The following MTO1 variants were observed in gnomAD, a reference collection of about 807,000 sequenced individuals.
MTO1 encodes mitochondrial tRNA translation optimization 1, also known as 5-taurinomethyluridine-[tRNA] synthase subunit MTO1, mitochondrial.
Under a neutral mutation model 71.6 loss-of-function variants are expected in MTO1, and 46 were observed. The observed-to-expected ratio is 0.64, with a 90% CI of 0.51 to 0.82. The LOEUF is 0.82. Ranked by LOEUF, MTO1 falls within the 40% of genes least tolerant of loss-of-function variation. The pLI, the probability that MTO1 is intolerant of heterozygous loss-of-function variation, is 0.00. For missense variants in MTO1, 773 were observed against 867.5 expected (o/e 0.89, Z 1.37); for synonymous variants, 297 against 312.1 (o/e 0.95, Z 0.51).
chr6:73,479,807 C>G lies in MTO1; in HGVS notation c.901C>G (p.Leu301Val), dbSNP rs762434502. ...TGAGATTGTCCTTAAGAACCTTCAC[C>G]TTAATAGTCATGTTAAAGAAACGAC... ...VDEIVLKNLH[L>V]NSHVKETTRG... The change falls in exon 5 of 12, where the codon CTT (leucine) becomes GTT (valine). Residue 301 changes from leucine to valine, a missense_variant. Transcript: ENST00000498286. 3 of 1,613,532 alleles carry G rather than the reference C, an allele frequency of 1.9e-6. No individual in the cohort carries two copies. The highest frequency in any genetic ancestry group is 2.5e-6 in the Non-Finnish European group (3 of 1,179,702).
intron 4 of MTO1, among the ~76,000 whole-genome samples, chr6:73,476,880 T>C (rs1370630598): frequency 6.6e-6 from 1 of 151,654 alleles, no homozygotes; most frequent in Non-Finnish European, 1.5e-5. Flanking sequence ...TCTCGCCTTC[T>C]GAGTTCAGTC....
intron 1 of MTO1, 77 bp from the exon 2 acceptor site, chr6:73,466,132 A>C (rs910476022): frequency 1.6e-6 from 2 of 1,238,086 alleles, no homozygotes; most frequent in Non-Finnish European, 2.3e-6. Context: ...AGTCACCTGT[A>C]TAAATGTTTC....
chr6:73,507,846 G>A lies in MTO1; in HGVS notation c.*7111G>A, dbSNP rs1206052164. 6.6e-6 allele frequency: 1 copy of A among 152,048 alleles called. No homozygotes were observed. The highest frequency in any genetic ancestry group is 1.5e-5 in the Non-Finnish European group (1 of 67,974). 9.4% of individuals were successfully genotyped at this position (152,048 alleles called of 1,614,324 possible). ...CGAAAAATTAGCCGGGTGTGGTGGT[G>A]CGCGCCTGTAGTCCCAGCTACTCGG... On this transcript the variant is annotated 3_prime_UTR_variant, in exon 12 of 12. Transcript: ENST00000498286.
intron 3 of MTO1, among the ~76,000 whole-genome samples, chr6:73,467,853 C>T (rs1368164735): frequency 2.6e-5 from 4 of 152,038 alleles, no homozygotes; most frequent in African/African-American, 9.7e-5. Context: ...GACGGAGTCT[C>T]ACTCTGTGCC....
chr6:73,466,990 A>C (rs989318975), intron 3 of MTO1, among the ~76,000 whole-genome samples: 9 of 151,608 alleles, frequency 5.9e-5, no homozygotes, highest in African/African-American at 2.2e-4. Context: ...TTTTTTATCA[A>C]AATAACTCAT....
At chr6:73,493,349 CATGT>C (rs1401875336) in intron 10 of MTO1, among the ~76,000 whole-genome samples, 3 of 49,524 alleles carry the variant, frequency 6.1e-5, no homozygotes, top group Admixed American at 4.8e-4. Flanking sequence ...TTGAAATGTG[CATGT>C]ATGTGTGTGT....
intron 1 of MTO1, 141 bp downstream of exon 1, chr6:73,462,212 T>A: frequency 1.1e-6 from 1 of 909,200 alleles, no homozygotes; most frequent in Non-Finnish European, 1.7e-6. Flanking sequence ...CCTCGATCAG[T>A]GTCTCGCAAG....
chr6:73,508,431 AC>A lies in MTO1; in HGVS notation c.*7697del, dbSNP rs949427034. 9.2e-5 allele frequency: 14 copies of A among 152,210 alleles called. No individual in the cohort carries two copies. Among genetic ancestry groups the A allele is most frequent in the African/African-American group, 3.1e-4 (13 of 41,454 alleles). The allele number at this position is 152,210 out of a possible 1,614,324, so 9.4% of individuals were successfully genotyped here. A position where few individuals can be genotyped will look rare whatever the true frequency, so the allele number is the denominator to read the frequency against. ...AGTAAATTAAGATACATAAAAAAAAACACTGGCTAAATTTAAAAGGAAACAC... is the reference window on the plus strand; with the variant it reads ...AGTAAATTAAGATACATAAAAAAAAAACTGGCTAAATTTAAAAGGAAACAC... On this transcript the variant is annotated 3_prime_UTR_variant, in exon 12 of 12. Coordinates refer to ENST00000498286, the MANE Select transcript of MTO1 (RefSeq NM_012123.4).
chr6:73,497,877 A>C lies in MTO1; in HGVS notation c.1898A>C (p.His633Pro). The change falls in exon 11 of 12, where the codon CAT (histidine) becomes CCT (proline). Residue 633 changes from histidine to proline, a missense_variant. His to Pro is a moderately conservative substitution (Grantham distance 77). Coordinates refer to ENST00000498286, the MANE Select transcript of MTO1 (RefSeq NM_012123.4). The part of the protein sequence containing the change: ...SLSHEVREKL[H>P]FSRPQTIGAA... Reference sequence around the variant, plus strand: ...TCCCATGAAGTTCGAGAGAAACTACATTTTAGTCGTCCACAGACGGTAAGA... The same window carrying C: ...TCCCATGAAGTTCGAGAGAAACTACCTTTTAGTCGTCCACAGACGGTAAGA... 1 of 1,612,476 alleles carries C rather than the reference A, an allele frequency of 6.2e-7. No homozygotes were observed. The highest frequency in any genetic ancestry group is 8.5e-7 in the Non-Finnish European group (1 of 1,178,766).
rs1328602139 is a variant in MTO1, at chr6:73,506,290, T to G, written c.*5555T>G. The G allele has an allele frequency of 1.3e-5, 2 of 152,220 alleles. No individual in the cohort carries two copies. The highest frequency in any genetic ancestry group is 2.9e-5 in the Non-Finnish European group (2 of 68,060). 9.4% of individuals were successfully genotyped at this position (152,220 alleles called of 1,614,324 possible). ...CCGTGCACAGCCAAGATGGAAATTT[T>G]TATGTTCTTTGTTTGATATGGTTTG... On this transcript the variant is annotated 3_prime_UTR_variant, in exon 12 of 12. Coordinates refer to ENST00000498286, the MANE Select transcript of MTO1 (RefSeq NM_012123.4).
rs756199257 is a variant in MTO1, at chr6:73,482,411, C to A, written c.1466-38C>A. 4 of 1,591,016 alleles carry A rather than the reference C, an allele frequency of 2.5e-6. No individual in the cohort carries two copies. The Admixed American group carries it at 7.1e-5, about 28-fold the overall frequency. ...TCTACAAAAAAATTTGCTTTAAAAA[C>A]CACACTTCTCATTATATTCTCTTTC... On this transcript the variant is annotated intron_variant, in intron 8 of 11. Coordinates refer to ENST00000498286, the MANE Select transcript of MTO1 (RefSeq NM_012123.4).
At chr6:73,481,081 G>C in intron 7 of MTO1, 1 of 405,714 alleles carries the variant, frequency 2.5e-6, no homozygotes, top group Non-Finnish European at 4.6e-6. Context: ...GCCCTCCCTA[G>C]TAGCTGGGAC....
At chr6:73,466,160 A>G (rs758600196) in intron 1 of MTO1, 49 bp from the exon 2 acceptor site, 37 of 1,474,014 alleles carry the variant, frequency 2.5e-5, no homozygotes, top group Non-Finnish European at 3.3e-5. Context: ...AGTAGTCACT[A>G]TGTGCAAGGT....
At chr6:73,484,332 A>T (rs1206270287) in intron 9 of MTO1, among the ~76,000 whole-genome samples, 1 of 152,134 alleles carries the variant, frequency 6.6e-6, no homozygotes, top group Non-Finnish European at 1.5e-5. Context: ...AGTTTTGGAG[A>T]CTGAAGTCCA....
At chr6:73,494,515 C>T (rs1208746815) in intron 10 of MTO1, among the ~76,000 whole-genome samples, 1 of 142,280 alleles carries the variant, frequency 7.0e-6, no homozygotes, top group Admixed American at 7.4e-5. Flanking sequence ...CTCGCTTTGT[C>T]GCCCAGGCTG....
rs1410662170 is a variant in MTO1 at position 73,461,814 on chromosome 6, A to G, written c.-41A>G. The G allele has an allele frequency of 8.8e-6, 14 of 1,589,608 alleles. No homozygotes were observed. Among genetic ancestry groups the G allele is most frequent in the Non-Finnish European group, 1.0e-5 (12 of 1,160,976 alleles). ...TGTTGCGTAAGTTTTTTTGACCGTC[A>G]CTCGTGTCAGCTTCAAAGTCAGATA... On this transcript the variant is annotated 5_prime_UTR_variant, in exon 1 of 12. Coordinates refer to ENST00000498286, the MANE Select transcript of MTO1 (RefSeq NM_012123.4).
At position 73,488,919 on chromosome 6, in the gene MTO1, A is replaced by AAAC. The variant is rs574365970; in HGVS notation, c.1638-3294_1638-3292dup. ...ATGACAGAGCAAGACTCCGTCTAAA[A>AAAC]AACAACAACAACAACAACAACAAAA... On this transcript the variant is annotated intron_variant, in intron 9 of 11. Coordinates refer to ENST00000498286, the MANE Select transcript of MTO1 (RefSeq NM_012123.4). Among the ~76,000 whole-genome samples the AAAC allele has an allele frequency of 4.6e-4, 70 of 152,190 alleles. 1 individual carries two copies. Among genetic ancestry groups the AAAC allele is most frequent in the South Asian group, 1.5e-3 (7 of 4,816 alleles).
Position 73,466,482 on chromosome 6 carries a change from T to C in MTO1, c.418-7T>C. ...ACCATGTTTCAACTGGCATTTTCTT[T>C]TGACAGAAAGAAATCTTGAATACAC... On this transcript the variant is annotated splice_polypyrimidine_tract_variant and splice_region_variant and intron_variant, in intron 2 of 11. Coordinates refer to ENST00000498286, the MANE Select transcript of MTO1 (RefSeq NM_012123.4). The C allele has an allele frequency of 6.2e-7, 1 of 1,614,018 alleles. No individual in the cohort carries two copies. Among genetic ancestry groups the C allele is most frequent in the Non-Finnish European group, 8.5e-7 (1 of 1,179,862 alleles).
At position 73,502,456 on chromosome 6, in the gene MTO1, GAAA is replaced by G. The variant is rs775677728; in HGVS notation, c.*1723_*1725del. The G allele has an allele frequency of 2.0e-5, 3 of 147,074 alleles. No individual in the cohort carries two copies. The highest frequency in any genetic ancestry group is 2.9e-5 in the Non-Finnish European group (2 of 67,918). The allele number at this position is 147,074 out of a possible 1,614,324, so 9.1% of individuals were successfully genotyped here. A position where few individuals can be genotyped will look rare whatever the true frequency, so the allele number is the denominator to read the frequency against. On this transcript the variant is annotated 3_prime_UTR_variant, in exon 12 of 12. Coordinates refer to ENST00000498286, the MANE Select transcript of MTO1 (RefSeq NM_012123.4). ...GAGACTGTTTCAAAAAAAAGAAAAAGAAAAGAAGGTATTTTGTGTTTTTGTGCT... is the reference window on the plus strand; with the variant it reads ...GAGACTGTTTCAAAAAAAAGAAAAAGAGAAGGTATTTTGTGTTTTTGTGCT...
Sources: gnomAD v4.1 joint callset for allele counts (sites outside exome capture counted in the v4.1 genomes callset) on GRCh38, gnomAD v4.1.1 for gene constraint, MANE v1.5 for transcripts, NCBI Gene and HGNC (gene_info 2026-07-23, HGNC 2026-07-21) for gene names.